The following KCNN2 variants were observed in gnomAD, a reference collection of about 807,000 sequenced individuals.
KCNN2 encodes the protein small conductance calcium-activated potassium channel protein 2.
A neutral mutation model predicts 55.5 loss-of-function variants in KCNN2; 24 were observed. The observed-to-expected ratio is 0.43, with a 90% CI of 0.31 to 0.61. The LOEUF is 0.61. KCNN2 is among the 20% of genes least tolerant of loss of function. KCNN2 has a pLI of 0.08. For missense variants in KCNN2, 754 were observed against 853.6 expected (o/e 0.88, Z 1.45); for synonymous variants, 431 against 336.1 (o/e 1.28, Z -3.09).
intron 2 of KCNN2, among the ~76,000 whole-genome samples, chr5:114,318,889 CTG>C (rs1204770438): frequency 2.0e-5 from 3 of 152,052 alleles, no homozygotes; most frequent in Non-Finnish European, 2.9e-5. Flanking sequence ...ATTATTCTCA[CTG>C]AACTATTTCA....
At chr5:114,199,567 C>A (rs750446571) in intron 1 of KCNN2, among the ~76,000 whole-genome samples, 1 of 151,056 alleles carries the variant, frequency 6.6e-6, no homozygotes, top group African/African-American at 2.4e-5. Flanking sequence ...TGATTTCTTT[C>A]TCATCCTCGT....
chr5:114,417,421 G>A (rs955159488), intron 3 of KCNN2, among the ~76,000 whole-genome samples: 2 of 152,158 alleles, frequency 1.3e-5, no homozygotes, highest in Admixed American at 6.5e-5. Flanking sequence ...GTTTGGAGGT[G>A]TCGGTGTGAA....
At chr5:114,064,566 C>T (rs80173020) in intron 1 of KCNN2, among the ~76,000 whole-genome samples, 2,186 of 152,224 alleles carry the variant, frequency 0.014, 43 homozygotes, top group African/African-American at 0.049. Flanking sequence ...AAATCTAACC[C>T]GGCGAGTGAC....
intron 2 of KCNN2, among the ~76,000 whole-genome samples, chr5:114,276,313 G>C (rs1399324707): frequency 6.6e-6 from 1 of 152,130 alleles, no homozygotes; most frequent in Non-Finnish European, 1.5e-5. Flanking sequence ...CTGTTGATTT[G>C]GGGTGGAGAG....
At chr5:114,424,548 GGTATCTGA>G (rs757729682) in intron 3 of KCNN2, among the ~76,000 whole-genome samples, 3 of 152,158 alleles carry the variant, frequency 2.0e-5, no homozygotes, top group Non-Finnish European at 4.4e-5. Flanking sequence ...AAGTGTTTTA[GGTATCTGA>G]GTAATATAAA....
intron 2 of KCNN2, among the ~76,000 whole-genome samples, chr5:114,314,509 G>A (rs1165311236): frequency 6.6e-6 from 1 of 151,942 alleles, no homozygotes; most frequent in Non-Finnish European, 1.5e-5. Context: ...GGCAACCTCT[G>A]ATCTTTTTAA....
chr5:114,235,555 C>A (rs1413748091), intron 2 of KCNN2, among the ~76,000 whole-genome samples: 1 of 152,118 alleles, frequency 6.6e-6, no homozygotes, highest in Non-Finnish European at 1.5e-5. Flanking sequence ...TAGAACTATA[C>A]ATTAGCATTT....
chr5:114,221,311 T>A (rs1754133251), intron 1 of KCNN2, among the ~76,000 whole-genome samples: 1 of 152,226 alleles, frequency 6.6e-6, no homozygotes, highest in East Asian at 1.9e-4. Flanking sequence ...ATAATTAAGC[T>A]GACTGTAGAT....
At chr5:114,200,955 C>G (rs1561520320) in intron 1 of KCNN2, among the ~76,000 whole-genome samples, 1 of 152,012 alleles carries the variant, frequency 6.6e-6, no homozygotes, top group African/African-American at 2.4e-5. Flanking sequence ...GCTTACACTG[C>G]CTCCCATGTT....
intron 2 of KCNN2, among the ~76,000 whole-genome samples, chr5:114,283,866 G>A (rs1755678267): frequency 6.6e-6 from 1 of 152,104 alleles, no homozygotes; most frequent in Non-Finnish European, 1.5e-5. Flanking sequence ...CCACATTAGA[G>A]TATACATTAC....
chr5:114,295,626 G>T (rs111538542), intron 2 of KCNN2, among the ~76,000 whole-genome samples: 10,050 of 152,174 alleles, frequency 0.066, 462 homozygotes, highest in East Asian at 0.18. Context: ...ACTAGGAAAG[G>T]GAACTCCCTG....
intron 1 of KCNN2, among the ~76,000 whole-genome samples, chr5:114,148,452 A>T (rs954207532): frequency 3.9e-5 from 6 of 152,124 alleles, no homozygotes; most frequent in Admixed American, 3.9e-4. Flanking sequence ...GTGTTTGGAA[A>T]TTGGCCACTG....
intron 5 of KCNN2, among the ~76,000 whole-genome samples, chr5:114,482,991 CTA>C (rs1762293071): frequency 6.6e-6 from 1 of 151,612 alleles, no homozygotes; most frequent in Non-Finnish European, 1.5e-5. Flanking sequence ...ATGTGTTTAC[CTA>C]TATAACATAT....
chr5:114,219,763 T>C (rs1754094274), intron 1 of KCNN2, among the ~76,000 whole-genome samples: 1 of 152,166 alleles, frequency 6.6e-6, no homozygotes, highest in South Asian at 2.1e-4. Flanking sequence ...CTTTTCTGCC[T>C]AGAATTTCTC....
At chr5:114,172,509 G>T (rs1248254415) in intron 1 of KCNN2, among the ~76,000 whole-genome samples, 1 of 151,232 alleles carries the variant, frequency 6.6e-6, no homozygotes, top group African/African-American at 2.4e-5. Context: ...CTGGAAATTA[G>T]AAAACATTTA....
At chr5:114,267,992 C>A (rs1394695289) in intron 2 of KCNN2, among the ~76,000 whole-genome samples, 1 of 152,130 alleles carries the variant, frequency 6.6e-6, no homozygotes, top group Non-Finnish European at 1.5e-5. Flanking sequence ...GAGCTCCCTC[C>A]CTGGCCGTGC....
chr5:114,451,814 G>A (rs1296945106), intron 3 of KCNN2, among the ~76,000 whole-genome samples: 6 of 151,428 alleles, frequency 4.0e-5, no homozygotes, highest in East Asian at 2.0e-4. Context: ...GCAGAATGGC[G>A]TGAACCCGGG....
At chr5:114,354,337 TA>T (rs1757261730) in intron 2 of KCNN2, among the ~76,000 whole-genome samples, 1 of 152,122 alleles carries the variant, frequency 6.6e-6, no homozygotes, top group Admixed American at 6.6e-5. Context: ...CCATTCTTTA[TA>T]GTTCAGAGTT....
chr5:114,176,591 A>G (rs1320521887), intron 1 of KCNN2, among the ~76,000 whole-genome samples: 4 of 152,186 alleles, frequency 2.6e-5, no homozygotes, highest in Non-Finnish European at 4.4e-5. Context: ...AAGGAATGCT[A>G]TTATCATTAT....
Sources: gnomAD v4.1 joint callset for allele counts (sites outside exome capture counted in the v4.1 genomes callset) on GRCh38, gnomAD v4.1.1 for gene constraint, MANE v1.5 for transcripts, NCBI Gene and HGNC (gene_info 2026-07-23, HGNC 2026-07-21) for gene names.